The following NTM variants were observed in gnomAD, a reference collection of about 807,000 sequenced individuals.
NTM encodes the protein neurotrimin, also known as IgLON family member 2.
NTM carries 13 observed loss-of-function variants against 42.1 expected under a neutral mutation model. The ratio of observed to expected loss-of-function variants is 0.31; its 90% CI spans 0.20 to 0.49. NTM has a LOEUF of 0.49. NTM is among the 20% of genes least tolerant of loss of function. The pLI, the probability that NTM is intolerant of heterozygous loss-of-function variation, is 0.99. For synonymous variants in NTM, 187 were observed against 179.2 expected, an observed-to-expected ratio of 1.04 and a Z score of -0.35; for missense variants, 373 against 452.8, an observed-to-expected ratio of 0.82 and a Z score of 1.60.
chr11:131,859,869 T>C (rs2046446552), intron 1 of NTM, among the ~76,000 whole-genome samples: 1 of 151,774 alleles, frequency 6.6e-6, no homozygotes, highest in Non-Finnish European at 1.5e-5. Context: ...CTTTTTTTTT[T>C]CTCCTTTTCT....
At chr11:131,641,669 G>A (rs2065149050) in intron 1 of NTM, among the ~76,000 whole-genome samples, 1 of 152,002 alleles carries the variant, frequency 6.6e-6, no homozygotes, top group Admixed American at 6.6e-5. Flanking sequence ...CACAAAAGGT[G>A]CACTACTTGC....
intron 2 of NTM, among the ~76,000 whole-genome samples, chr11:131,990,513 G>A (rs1352835274): frequency 2.6e-5 from 4 of 151,530 alleles, no homozygotes; most frequent in African/African-American, 4.8e-5. Flanking sequence ...GTGTTTGCAT[G>A]TGTGTGTGTG....
chr11:132,017,625 G>GT (rs1290832562), intron 2 of NTM, among the ~76,000 whole-genome samples: 1 of 151,876 alleles, frequency 6.6e-6, no homozygotes, highest in Non-Finnish European at 1.5e-5. Flanking sequence ...TTTTGTTTTA[G>GT]TTTTTTCTAT....
intron 2 of NTM, among the ~76,000 whole-genome samples, chr11:131,979,014 C>CGA (rs1565872224): frequency 6.6e-6 from 1 of 152,008 alleles, no homozygotes; most frequent in East Asian, 1.9e-4. Context: ...ACAGAGCCTC[C>CGA]GAGAGCATGT....
At chr11:131,480,663 C>G (rs898502637) in intron 1 of NTM, among the ~76,000 whole-genome samples, 5 of 152,096 alleles carry the variant, frequency 3.3e-5, no homozygotes, top group Admixed American at 3.3e-4. Flanking sequence ...CAGTGAGCCT[C>G]CAAAACAGAA....
intron 1 of NTM, among the ~76,000 whole-genome samples, chr11:131,778,224 G>A (rs995661337): frequency 6.6e-6 from 1 of 152,214 alleles, no homozygotes; most frequent in Admixed American, 6.5e-5. Context: ...GAAACCCGTG[G>A]TGATAGTTGG....
chr11:131,885,684 G>A (rs1312469006), intron 1 of NTM, among the ~76,000 whole-genome samples: 1 of 152,142 alleles, frequency 6.6e-6, no homozygotes, highest in East Asian at 1.9e-4. Context: ...TGCATTATCA[G>A]CCACCACAAC....
chr11:131,862,553 T>C (rs546997605), intron 1 of NTM, among the ~76,000 whole-genome samples: 1 of 152,246 alleles, frequency 6.6e-6, no homozygotes, highest in Non-Finnish European at 1.5e-5. Flanking sequence ...GGTTGTTTTT[T>C]ATTTTTGTTT....
intron 1 of NTM, among the ~76,000 whole-genome samples, chr11:131,728,573 A>G (rs925688752): frequency 4.6e-5 from 7 of 152,192 alleles, no homozygotes; most frequent in Admixed American, 1.3e-4. Context: ...GGCATGGCTG[A>G]TTAAAACCCA....
At chr11:131,370,972 G>T in intron 1 of NTM, 84 bp downstream of exon 1, 4 of 1,577,130 alleles carry the variant, frequency 2.5e-6, no homozygotes, top group Non-Finnish European at 3.4e-6. Context: ...CCCCGAGTCG[G>T]CTGTGCTGCG....
At position 132,199,041 on chromosome 11, in the gene NTM, C is replaced by T. The variant is rs188082676; in HGVS notation, c.401-12981C>T. On this transcript the variant is annotated intron_variant, in intron 3 of 8. Transcript: ENST00000683400. ...ACATTATCAACCAAGGCAGGAAGTA[C>T]GGAAAGTGGCAGTGAATTCTTTGGT... is the stretch of plus-strand genomic sequence containing the variant. Among the ~76,000 whole-genome samples, 25 of 152,230 alleles carry T rather than the reference C, an allele frequency of 1.6e-4. No homozygotes were observed. In the East Asian group the frequency reaches 3.1e-3, roughly 19 times the overall value.
chr11:132,148,648 C>A (rs1228268452), intron 3 of NTM, among the ~76,000 whole-genome samples: 1 of 152,166 alleles, frequency 6.6e-6, no homozygotes, highest in East Asian at 1.9e-4. Flanking sequence ...TCTTCAGCCA[C>A]CCCCACTCAC....
intron 3 of NTM, among the ~76,000 whole-genome samples, chr11:132,179,910 G>A (rs1040971284): frequency 6.6e-6 from 1 of 152,108 alleles, no homozygotes; most frequent in Non-Finnish European, 1.5e-5. Flanking sequence ...CTAAAACCTC[G>A]CTGTTTGATC....
chr11:131,889,998 ACTC>A (rs1207713303), intron 1 of NTM, among the ~76,000 whole-genome samples: 2 of 150,172 alleles, frequency 1.3e-5, no homozygotes, highest in Non-Finnish European at 3.0e-5. Flanking sequence ...GTTCACAGAG[ACTC>A]CTCCTTCTCA....
At chr11:131,609,231 C>T (rs1186147629) in intron 1 of NTM, among the ~76,000 whole-genome samples, 1 of 152,234 alleles carries the variant, frequency 6.6e-6, no homozygotes, top group African/African-American at 2.4e-5. Context: ...CACGCAGGCA[C>T]TACCTTCCTG....
At chr11:131,659,216 C>T (rs1416999622) in intron 1 of NTM, among the ~76,000 whole-genome samples, 1 of 152,204 alleles carries the variant, frequency 6.6e-6, no homozygotes, top group East Asian at 1.9e-4. Flanking sequence ...GATCTCTTCT[C>T]CCATGAGTGT....
intron 2 of NTM, among the ~76,000 whole-genome samples, chr11:132,089,991 A>C (rs2136391732): frequency 6.6e-6 from 1 of 152,254 alleles, no homozygotes; most frequent in South Asian, 2.1e-4. Context: ...TGGAGCCCTT[A>C]GTGTATGCTA....
chr11:132,301,125 C>T (rs1008919240), intron 4 of NTM, among the ~76,000 whole-genome samples: 12 of 152,188 alleles, frequency 7.9e-5, no homozygotes, highest in African/African-American at 2.9e-4. Context: ...CACAGTTCCT[C>T]AGGGCTGGGG....
chr11:131,887,176 T>A (rs2050542674), intron 1 of NTM, among the ~76,000 whole-genome samples: 1 of 152,244 alleles, frequency 6.6e-6, no homozygotes, highest in Admixed American at 6.5e-5. Context: ...AACTATGTGA[T>A]GTGATGGATA....
Sources: allele counts gnomAD v4.1 joint callset (sites outside exome capture counted in the v4.1 genomes callset), GRCh38; gene constraint gnomAD v4.1.1; transcripts MANE v1.5; gene names NCBI Gene and HGNC (gene_info 2026-07-23, HGNC 2026-07-21).